WWOX: variants seen among roughly 807,000 people sequenced by gnomAD.
WWOX encodes WW domain-containing oxidoreductase.
Under a neutral mutation model 46.2 loss-of-function variants are expected in WWOX, and 69 were observed. The ratio of observed to expected loss-of-function variants is 1.49; its 90% CI spans 1.23 to 1.82. The LOEUF is 1.82. WWOX is among the 40% of genes most tolerant of loss of function. The probability of loss-of-function intolerance (pLI) is 0.00; values close to 1 mark genes in which losing one functional copy is unlikely to be tolerated. For synonymous variants in WWOX, 359 were observed against 202.6 expected (o/e 1.77, Z -6.56); for missense variants, 919 against 542.6 (o/e 1.69, Z -6.89).
At chr16:78,986,413 G>A (rs2046785689) in intron 8 of WWOX, among the ~76,000 whole-genome samples, 1 of 152,158 alleles carries the variant, frequency 6.6e-6, no homozygotes, top group African/African-American at 2.4e-5. Flanking sequence ...GACATGAACT[G>A]GTTTCCATTT....
chr16:78,387,880 C>G (rs1279412483), intron 6 of WWOX, among the ~76,000 whole-genome samples: 5 of 152,034 alleles, frequency 3.3e-5, no homozygotes, highest in Non-Finnish European at 7.4e-5. Context: ...ACCAGAACCA[C>G]TGAATGTGGA....
In WWOX at chr16:78,432,590, C is replaced by G; in HGVS notation, c.894C>G (p.Leu298=). 2 of 1,614,244 alleles carry G rather than the reference C, an allele frequency of 1.2e-6. No homozygotes were observed. Among genetic ancestry groups the G allele is most frequent in the South Asian group, 1.1e-5 (1 of 91,088 alleles). The change falls in exon 8 of 9, where the codon CTC becomes CTG. Residue 298 remains leucine (L), a synonymous_variant. Transcript: ENST00000566780. ...WAMLAYNRSK[L]CNILFSNELH... ...TGCTGGCTTATAACAGGTCCAAGCTCTGCAACATCCTCTTCTCCAACGAGC... is the reference window on the plus strand; with the variant it reads ...TGCTGGCTTATAACAGGTCCAAGCTGTGCAACATCCTCTTCTCCAACGAGC...
chr16:78,277,864 A>G (rs1308574313), intron 5 of WWOX, among the ~76,000 whole-genome samples: 1 of 152,224 alleles, frequency 6.6e-6, no homozygotes, highest in East Asian at 1.9e-4. Context: ...AAGAATGTCC[A>G]AAATATTACG....
intron 8 of WWOX, among the ~76,000 whole-genome samples, chr16:78,773,176 G>C (rs117667577): frequency 1.6e-4 from 24 of 152,234 alleles, no homozygotes; most frequent in African/African-American, 5.3e-4. Flanking sequence ...TAAGCCGCTA[G>C]AACAGTGCCT....
intron 8 of WWOX, among the ~76,000 whole-genome samples, chr16:79,190,956 T>C (rs2051123720): frequency 6.6e-6 from 1 of 152,272 alleles, no homozygotes; most frequent in Admixed American, 6.5e-5. Flanking sequence ...CTCTCATTTG[T>C]CTACACATTC....
intron 5 of WWOX, among the ~76,000 whole-genome samples, chr16:78,327,622 G>C (rs2080655816): frequency 6.6e-6 from 1 of 152,122 alleles, no homozygotes; most frequent in Admixed American, 6.5e-5. Context: ...CCATGACACA[G>C]AGATTCCACA....
In WWOX at chr16:78,543,609, A is replaced by C. The variant is rs534543972; in HGVS notation, c.1056+110857A>C. Among the ~76,000 whole-genome samples, 100 of 152,300 alleles carry C rather than the reference A, an allele frequency of 6.6e-4. 1 individual carries two copies. The highest frequency in any genetic ancestry group is 2.0e-3 in the African/African-American group (85 of 41,564). On this transcript the variant is annotated intron_variant, in intron 8 of 8. Coordinates refer to ENST00000566780, the MANE Select transcript of WWOX (RefSeq NM_016373.4). ...GCATACCATATGCTGAAAGACTTGGAATGCAAAAACCTAAGGCCAAGGGCA... is the reference window on the plus strand; with the variant it reads ...GCATACCATATGCTGAAAGACTTGGCATGCAAAAACCTAAGGCCAAGGGCA...
intron 4 of WWOX, among the ~76,000 whole-genome samples, chr16:78,115,517 C>T (rs903478592): frequency 9.2e-5 from 14 of 152,120 alleles, no homozygotes; most frequent in African/African-American, 3.1e-4. Context: ...TAATAGAATA[C>T]GGGGAACAAC....
At chr16:78,154,856 G>A (rs1176772095) in intron 4 of WWOX, among the ~76,000 whole-genome samples, 1 of 152,190 alleles carries the variant, frequency 6.6e-6, no homozygotes, top group African/African-American at 2.4e-5. Flanking sequence ...GACTGAGGGT[G>A]TTTTGTGGTA....
At chr16:78,957,634 C>T (rs182551213) in intron 8 of WWOX, among the ~76,000 whole-genome samples, 98 of 152,296 alleles carry the variant, frequency 6.4e-4, no homozygotes, top group Non-Finnish European at 1.1e-3. Flanking sequence ...GATTCTATCT[C>T]TAAAAACTAC....
At chr16:78,384,682 C>T (rs1428287133) in intron 5 of WWOX, among the ~76,000 whole-genome samples, 1 of 152,176 alleles carries the variant, frequency 6.6e-6, no homozygotes. Context: ...AGATCAGGTT[C>T]ATGTTTCTCC....
intron 8 of WWOX, among the ~76,000 whole-genome samples, chr16:79,039,845 C>G (rs1275071573): frequency 6.6e-6 from 1 of 152,206 alleles, no homozygotes; most frequent in African/African-American, 2.4e-5. Context: ...TCTGACTCAT[C>G]TCTACCAGTC....
At chr16:78,748,247 C>G (rs193164375) in intron 8 of WWOX, among the ~76,000 whole-genome samples, 17 of 152,272 alleles carry the variant, frequency 1.1e-4, no homozygotes, top group South Asian at 4.2e-4. Context: ...ATGAATGAAC[C>G]TTGTCTACCA....
intron 8 of WWOX, among the ~76,000 whole-genome samples, chr16:78,646,547 C>T (rs1248685882): frequency 6.6e-6 from 1 of 152,102 alleles, no homozygotes; most frequent in East Asian, 1.9e-4. Context: ...CTGGCCTCAG[C>T]CTCTCTGGTA....
intron 8 of WWOX, among the ~76,000 whole-genome samples, chr16:78,807,663 C>T (rs1005670123): frequency 6.6e-6 from 1 of 152,162 alleles, no homozygotes; most frequent in African/African-American, 2.4e-5. Flanking sequence ...TTGAAGGGCG[C>T]CAGCCTGTAA....
At chr16:78,944,441 C>T (rs2045911054) in intron 8 of WWOX, among the ~76,000 whole-genome samples, 1 of 152,130 alleles carries the variant, frequency 6.6e-6, no homozygotes, top group Admixed American at 6.5e-5. Context: ...GTGATGGGGG[C>T]AAATATCACA....
intron 5 of WWOX, among the ~76,000 whole-genome samples, chr16:78,209,506 C>T (rs894233942): frequency 6.6e-6 from 1 of 152,142 alleles, no homozygotes; most frequent in African/African-American, 2.4e-5. Flanking sequence ...AAACGTCTTC[C>T]TCCTTGACTC....
At chr16:78,705,868 G>A (rs1042923913) in intron 8 of WWOX, among the ~76,000 whole-genome samples, 1 of 152,056 alleles carries the variant, frequency 6.6e-6, no homozygotes. Flanking sequence ...ACAAGGTGGT[G>A]GTAGTGTATC....
intron 8 of WWOX, among the ~76,000 whole-genome samples, chr16:78,647,496 G>T (rs557042082): frequency 6.6e-6 from 1 of 152,240 alleles, no homozygotes; most frequent in African/African-American, 2.4e-5. Flanking sequence ...GCACCTTGGG[G>T]TCTGTTAGAG....
Sources: gnomAD v4.1 joint callset for allele counts (sites outside exome capture counted in the v4.1 genomes callset) on GRCh38, gnomAD v4.1.1 for gene constraint, MANE v1.5 for transcripts, NCBI Gene and HGNC (gene_info 2026-07-23, HGNC 2026-07-21) for gene names.